Variants in PKHD1 observed in about 807,000 individuals in gnomAD.
The protein encoded by PKHD1 is fibrocystin.
PKHD1 carries 291 observed loss-of-function variants against 412.0 expected under a neutral mutation model. The observed-to-expected ratio is 0.71, with a 90% CI of 0.64 to 0.78. The LOEUF (loss-of-function observed/expected upper bound fraction) is 0.78, where lower values mean the gene tolerates loss of function less well. Among genes scored for constraint, PKHD1 ranks in the 30% least tolerant of loss-of-function variants. The pLI, the probability that PKHD1 is intolerant of heterozygous loss-of-function variation, is 0.00. For missense variants in PKHD1, 4,825 were observed against 4,950.7 expected, an observed-to-expected ratio of 0.97 and a Z score of 0.76; for synonymous variants, 1,777 against 1,821.5, an observed-to-expected ratio of 0.98 and a Z score of 0.62.
chr6:51,906,187 A>T (rs1177877531), intron 41 of PKHD1, 28 bp downstream of exon 41: 3 of 1,598,268 alleles, frequency 1.9e-6, no homozygotes, highest in Non-Finnish European at 2.6e-6. Context: ...ACAAGAATGC[A>T]GAAATTCAAC....
chr6:52,076,305 T>A lies in PKHD1; in HGVS notation c.419A>T (p.His140Leu). 1.2e-6 allele frequency: 2 copies of A among 1,612,566 alleles called. No homozygotes were observed. The highest frequency in any genetic ancestry group is 1.7e-6 in the Non-Finnish European group (2 of 1,178,592). ...AACACCACTTGGTGGATAAACTTGG[T>A]GAACGATGGGTGTCTGCGCCTTGGA... ...KFSKAQTPIV[H>L]QVYPPSGVPG... The change falls in exon 6 of 67, where the codon CAC becomes CTC. Residue 140 changes from histidine to leucine, a missense_variant. Transcript: ENST00000371117.
At chr6:51,651,936 A>G (rs912383485) in intron 61 of PKHD1, among the ~76,000 whole-genome samples, 3 of 152,146 alleles carry the variant, frequency 2.0e-5, no homozygotes, top group African/African-American at 7.2e-5. Context: ...TCGTCAGTAA[A>G]CTGGAGTGAT....
At chr6:52,077,394 G>C (rs143118028) in intron 5 of PKHD1, among the ~76,000 whole-genome samples, 62 of 152,248 alleles carry the variant, frequency 4.1e-4, no homozygotes, top group Non-Finnish European at 8.4e-4. Flanking sequence ...AAGAGACCTA[G>C]TCTCCCCTTC....
At chr6:52,023,968 C>T (rs953023299) in intron 32 of PKHD1, among the ~76,000 whole-genome samples, 5 of 152,154 alleles carry the variant, frequency 3.3e-5, no homozygotes, top group Non-Finnish European at 7.4e-5. Flanking sequence ...TTTTTCCTTA[C>T]TTTCTAAATC....
At chr6:52,035,005 C>T (rs1803711759) in intron 28 of PKHD1, among the ~76,000 whole-genome samples, 1 of 152,134 alleles carries the variant, frequency 6.6e-6, no homozygotes. Flanking sequence ...GTGTGACTCT[C>T]CCCAACAGTA....
intron 53 of PKHD1, among the ~76,000 whole-genome samples, chr6:51,778,892 A>C (rs989617997): frequency 2.6e-5 from 4 of 152,068 alleles, no homozygotes; most frequent in African/African-American, 9.7e-5. Flanking sequence ...TGTGCTCATG[A>C]GATTTCCCAG....
chr6:51,822,417 C>T lies in PKHD1; in HGVS notation c.8302+8444G>A, dbSNP rs1199290001. On this transcript the variant is annotated intron_variant, in intron 52 of 66. Transcript: ENST00000371117. ...TCATCGTGGTATTGCTCCTTTCCTG[C>T]CTTGCCTTCTGCTGTCCTGGTTCTA... Among the ~76,000 whole-genome samples the T allele has an allele frequency of 2.6e-5, 4 of 152,142 alleles. No homozygotes were observed. The East Asian group carries it at 7.7e-4, about 29-fold the overall frequency.
intron 55 of PKHD1, among the ~76,000 whole-genome samples, chr6:51,762,299 C>A (rs1357322122): frequency 6.6e-6 from 1 of 152,018 alleles, no homozygotes; most frequent in African/African-American, 2.4e-5. Context: ...GACAAAGTAA[C>A]CATTTAATTT....
rs146380870 is a variant in PKHD1, at chr6:51,844,123, G to A, written c.8107+3652C>T. 4.4e-3 allele frequency among the ~76,000 whole-genome samples: 664 copies of A among 152,342 alleles called. 3 individuals carry two copies. Among genetic ancestry groups the A allele is most frequent in the Non-Finnish European group, 7.0e-3 (479 of 68,024 alleles). ...AATAGTCTATCAGGAAAACGTTGGTGAAATAACATGGCACATTAACCACAC... is the reference window on the plus strand; with the variant it reads ...AATAGTCTATCAGGAAAACGTTGGTAAAATAACATGGCACATTAACCACAC... On this transcript the variant is annotated intron_variant, in intron 50 of 66. Transcript: ENST00000371117.
chr6:51,752,822 T>C (rs1221448666), intron 57 of PKHD1, among the ~76,000 whole-genome samples: 6 of 152,186 alleles, frequency 3.9e-5, no homozygotes, highest in African/African-American at 1.4e-4. Context: ...ACGCTATTAA[T>C]TTATAGCATG....
chr6:52,017,313 C>T lies in PKHD1; in HGVS notation c.5600+97G>A, dbSNP rs1204426408. On this transcript the variant is annotated intron_variant, in intron 34 of 66. Transcript: ENST00000371117. ...GAGTTGTAGCCCTTACCACGGCTGCCAGGCCACATCCACCCAGCCTACACT... is the reference window on the plus strand; with the variant it reads ...GAGTTGTAGCCCTTACCACGGCTGCTAGGCCACATCCACCCAGCCTACACT... 4 of 905,648 alleles carry T rather than the reference C, an allele frequency of 4.4e-6. No homozygotes were observed. The African/African-American group carries it at 6.5e-5, about 15-fold the overall frequency. 56.1% of individuals were successfully genotyped at this position (905,648 alleles called of 1,614,324 possible).
chr6:51,729,001 C>T lies in PKHD1; in HGVS notation c.10156+15384G>A, dbSNP rs139562710. Among the ~76,000 whole-genome samples the T allele has an allele frequency of 1.6e-3, 243 of 152,296 alleles. 1 individual carries two copies. Among genetic ancestry groups the T allele is most frequent in the African/African-American group, 5.4e-3 (225 of 41,564 alleles). The stretch of plus-strand genomic sequence containing the variant: ...GCTCTAAGATTTCCTTTGTCTGTAA[C>T]GTGTTCAAACAGAAAGACAGTATAT... On this transcript the variant is annotated intron_variant, in intron 60 of 66. Coordinates refer to ENST00000371117, the MANE Select transcript of PKHD1 (RefSeq NM_138694.4).
At chr6:51,926,491 A>C (rs990295847) in intron 37 of PKHD1, among the ~76,000 whole-genome samples, 1 of 152,198 alleles carries the variant, frequency 6.6e-6, no homozygotes, top group Non-Finnish European at 1.5e-5. Flanking sequence ...GTATATATAG[A>C]AACTTGAAGT....
intron 36 of PKHD1, among the ~76,000 whole-genome samples, chr6:51,941,236 CTTTTTTTTTTTTTT>C (rs539546758): frequency 4.8e-5 from 3 of 63,018 alleles, no homozygotes; most frequent in Admixed American, 2.6e-4. Context: ...ACAGCATGGC[CTTTTTTTTTTTTTT>C]TTTTTTTTTT....
At position 52,029,644 on chromosome 6, in the gene PKHD1, A is replaced by T. The variant is rs373209147; in HGVS notation, c.3365-1293T>A. On this transcript the variant is annotated intron_variant, in intron 29 of 66. Coordinates refer to ENST00000371117, the MANE Select transcript of PKHD1 (RefSeq NM_138694.4). ...AGGGGGCTTATCATTTATTTCTAGA[A>T]ATTTCACGGTTTTATCCAAAGCCTT... 8.2e-4 allele frequency among the ~76,000 whole-genome samples: 125 copies of T among 152,310 alleles called. 1 individual carries two copies. Among genetic ancestry groups the T allele is most frequent in the African/African-American group, 2.8e-3 (115 of 41,556 alleles).
chr6:51,977,217 A>G (rs1794573414), intron 35 of PKHD1, among the ~76,000 whole-genome samples: 1 of 152,194 alleles, frequency 6.6e-6, no homozygotes, highest in African/African-American at 2.4e-5. Flanking sequence ...GAAAACAGAA[A>G]AGAAGGCAAC....
intron 51 of PKHD1, among the ~76,000 whole-genome samples, 190 bp downstream of exon 51, chr6:51,836,214 C>T (rs2151547792): frequency 6.6e-6 from 1 of 152,228 alleles, no homozygotes; most frequent in Non-Finnish European, 1.5e-5. Flanking sequence ...ATAAATCCAC[C>T]TTTATATCCT....
At chr6:51,881,482 A>G (rs4715252) in intron 46 of PKHD1, among the ~76,000 whole-genome samples, 3 of 151,942 alleles carry the variant, frequency 2.0e-5, no homozygotes, top group Non-Finnish European at 2.9e-5. Flanking sequence ...TAAACAGCAC[A>G]GTATAAATAT....
intron 64 of PKHD1, among the ~76,000 whole-genome samples, chr6:51,633,544 G>T (rs1415495128): frequency 6.6e-6 from 1 of 151,840 alleles, no homozygotes; most frequent in African/African-American, 2.4e-5. Flanking sequence ...AAGAAAGAAA[G>T]GAAAGAAAAA....
Sources: gnomAD v4.1 joint callset for allele counts (sites outside exome capture counted in the v4.1 genomes callset) on GRCh38, gnomAD v4.1.1 for gene constraint, MANE v1.5 for transcripts, NCBI Gene and HGNC (gene_info 2026-07-23, HGNC 2026-07-21) for gene names.